LRRC49: variants seen among roughly 807,000 people sequenced by gnomAD.
The protein encoded by LRRC49 is leucine-rich repeat-containing protein 49.
Under a neutral mutation model 83.3 loss-of-function variants are expected in LRRC49, and 50 were observed. That is an observed-to-expected ratio of 0.60 (90% CI 0.48 to 0.76). LRRC49 has a LOEUF of 0.76. Among genes scored for constraint, LRRC49 ranks in the 30% least tolerant of loss-of-function variants. LRRC49 has a pLI of 0.00. For synonymous variants in LRRC49, 286 were observed against 283.3 expected (o/e 1.01, Z -0.10); for missense variants, 704 against 809.1 (o/e 0.87, Z 1.58).
At chr15:70,881,809 C>T (rs1443401500) in intron 2 of LRRC49, 1 of 152,164 alleles carries the variant, frequency 6.6e-6, no homozygotes, top group Non-Finnish European at 1.5e-5. Context: ...CTGATGCAAA[C>T]AGATTTCATT....
At chr15:70,854,628 C>G (rs1268262242) in intron 1 of LRRC49, among the ~76,000 whole-genome samples, 1 of 152,186 alleles carries the variant, frequency 6.6e-6, no homozygotes, top group Non-Finnish European at 1.5e-5. Flanking sequence ...GACATAATAA[C>G]CACCCTAGAC....
chr15:70,853,835 G>T, intron 1 of LRRC49: 1 of 1,186,000 alleles, frequency 8.4e-7, no homozygotes, highest in Non-Finnish European at 1.1e-6. Context: ...CCGAACTCGC[G>T]CGCGGCCCGG....
At chr15:70,922,820 A>C (rs1161003337) in intron 7 of LRRC49, among the ~76,000 whole-genome samples, 4 of 152,078 alleles carry the variant, frequency 2.6e-5, no homozygotes, top group Non-Finnish European at 5.9e-5. Context: ...AAAAATTTAA[A>C]ATTAATAAAA....
intron 1 of LRRC49, among the ~76,000 whole-genome samples, chr15:70,865,600 T>C (rs1166539042): frequency 6.6e-6 from 1 of 152,224 alleles, no homozygotes; most frequent in African/African-American, 2.4e-5. Context: ...CACCATTTTA[T>C]ATTGTTATTG....
intron 7 of LRRC49, among the ~76,000 whole-genome samples, chr15:70,921,370 C>CT (rs542656252): frequency 4.6e-5 from 7 of 152,134 alleles, no homozygotes; most frequent in Non-Finnish European, 8.8e-5. Flanking sequence ...GACAAATACT[C>CT]TATTTTGTTT....
chr15:71,031,967 C>T (rs150256017), intron 14 of LRRC49, among the ~76,000 whole-genome samples: 1 of 152,168 alleles, frequency 6.6e-6, no homozygotes, highest in Non-Finnish European at 1.5e-5. Flanking sequence ...GACCACTTGG[C>T]TTCCTGGCTT....
At chr15:70,994,039 G>T (rs1300195514) in intron 11 of LRRC49, among the ~76,000 whole-genome samples, 1 of 152,076 alleles carries the variant, frequency 6.6e-6, no homozygotes, top group Non-Finnish European at 1.5e-5. Flanking sequence ...AAGAGGCAGG[G>T]TTTCACCATG....
At chr15:71,026,609 T>C (rs2039181212) in intron 14 of LRRC49, among the ~76,000 whole-genome samples, 1 of 152,188 alleles carries the variant, frequency 6.6e-6, no homozygotes, top group African/African-American at 2.4e-5. Context: ...CAGCATCTGT[T>C]GTTTGTTGAC....
chr15:70,863,316 G>T (rs752972227), intron 1 of LRRC49, among the ~76,000 whole-genome samples: 4 of 152,160 alleles, frequency 2.6e-5, no homozygotes, highest in Non-Finnish European at 4.4e-5. Context: ...CTGAAGTTTG[G>T]TGGCCACTGA....
intron 8 of LRRC49, among the ~76,000 whole-genome samples, chr15:70,945,312 C>T (rs2035968500): frequency 6.6e-6 from 1 of 152,208 alleles, no homozygotes; most frequent in African/African-American, 2.4e-5. Flanking sequence ...AGCTAGTCAA[C>T]ATCTGCTTCA....
intron 2 of LRRC49, chr15:70,882,311 CT>C: frequency 1.5e-6 from 1 of 681,890 alleles, no homozygotes; most frequent in South Asian, 2.3e-5. Flanking sequence ...AGCAAGCAAA[CT>C]TTTGCCTTAG....
At chr15:71,028,594 C>T (rs2039248681) in intron 14 of LRRC49, among the ~76,000 whole-genome samples, 1 of 151,870 alleles carries the variant, frequency 6.6e-6, no homozygotes, top group Non-Finnish European at 1.5e-5. Context: ...TTGGTTGGCA[C>T]ACTATTAATT....
At chr15:70,953,145 G>A (rs1034227711) in intron 8 of LRRC49, among the ~76,000 whole-genome samples, 2 of 152,126 alleles carry the variant, frequency 1.3e-5, no homozygotes, top group Non-Finnish European at 2.9e-5. Context: ...GGTCGGTATT[G>A]GACTGTGAGG....
intron 7 of LRRC49, among the ~76,000 whole-genome samples, chr15:70,935,702 C>G (rs1455044229): frequency 6.6e-6 from 1 of 152,138 alleles, no homozygotes; most frequent in Non-Finnish European, 1.5e-5. Context: ...AGAATTACTG[C>G]AAATGATACT....
intron 11 of LRRC49, among the ~76,000 whole-genome samples, chr15:70,990,626 G>A (rs1237717072): frequency 1.3e-5 from 2 of 152,178 alleles, no homozygotes; most frequent in African/African-American, 2.4e-5. Flanking sequence ...GCTCATGCAT[G>A]GTGCGCTGCA....
At chr15:70,956,401 A>G (rs2036402572) in intron 8 of LRRC49, among the ~76,000 whole-genome samples, 1 of 152,104 alleles carries the variant, frequency 6.6e-6, no homozygotes, top group African/African-American at 2.4e-5. Flanking sequence ...GAAAAAGATT[A>G]AAGTCAATTA....
chr15:70,940,537 C>T (rs1203073170), intron 8 of LRRC49, among the ~76,000 whole-genome samples: 3 of 152,288 alleles, frequency 2.0e-5, no homozygotes, highest in South Asian at 2.1e-4. Flanking sequence ...GCCACTGCGC[C>T]GGCCTATATG....
In LRRC49 at chr15:70,951,526, A is replaced by G. The variant is rs114543861; in HGVS notation, c.774-12259A>G. 7.1e-3 allele frequency among the ~76,000 whole-genome samples: 1,075 copies of G among 152,080 alleles called. 18 individuals are homozygous for G. Among genetic ancestry groups the G allele is most frequent in the African/African-American group, 0.024 (976 of 41,510 alleles). On this transcript the variant is annotated intron_variant, in intron 8 of 15. Coordinates refer to ENST00000260382, the MANE Select transcript of LRRC49 (RefSeq NM_017691.5). ...GTATTTTATTCTTTTTCTGGCTACT[A>G]TAAATGGGATTGTGTTCTTGATTTT...
intron 8 of LRRC49, among the ~76,000 whole-genome samples, chr15:70,943,797 G>GT (rs1567063099): frequency 6.6e-6 from 1 of 152,092 alleles, no homozygotes. Flanking sequence ...TCAGTTTCAG[G>GT]TTTTTTTCTA....
Sources: gnomAD v4.1 joint callset for allele counts (sites outside exome capture counted in the v4.1 genomes callset) on GRCh38, gnomAD v4.1.1 for gene constraint, MANE v1.5 for transcripts, NCBI Gene and HGNC (gene_info 2026-07-23, HGNC 2026-07-21) for gene names.